AGXT2: variants seen among roughly 807,000 people sequenced by gnomAD.
AGXT2 encodes alanine--glyoxylate aminotransferase 2, also known as alanine--glyoxylate aminotransferase 2, mitochondrial.
AGXT2 carries 61 observed loss-of-function variants against 62.5 expected under a neutral mutation model. The observed-to-expected ratio is 0.98, with a 90% CI of 0.79 to 1.21. The LOEUF is 1.21. Among genes scored for constraint, AGXT2 ranks in the 50% most tolerant of loss-of-function variants. AGXT2 has a pLI of 0.00. For missense variants in AGXT2, 666 were observed against 641.5 expected (o/e 1.04, Z -0.41); for synonymous variants, 243 against 218.7 (o/e 1.11, Z -0.98).
intron 1 of AGXT2, among the ~76,000 whole-genome samples, chr5:35,044,728 A>G (rs1254557056): frequency 6.6e-6 from 1 of 152,096 alleles, no homozygotes; most frequent in African/African-American, 2.4e-5. Flanking sequence ...GGCTGTCCAC[A>G]AGCAAGAGCA....
chr5:35,007,719 A>G (rs536658374), intron 12 of AGXT2, among the ~76,000 whole-genome samples: 1 of 152,300 alleles, frequency 6.6e-6, no homozygotes, highest in African/African-American at 2.4e-5. Context: ...CCTTCTATAG[A>G]TACTATTTTA....
intron 5 of AGXT2, 27 bp from the exon 6 acceptor site, chr5:35,033,580 G>A (rs755995979): frequency 3.8e-6 from 6 of 1,582,678 alleles, no homozygotes. Context: ...ACAGGAGGAT[G>A]GGGTCAAGTT....
chr5:35,036,842 G>A (rs931676869), intron 4 of AGXT2, 100 bp downstream of exon 4: 56 of 1,570,346 alleles, frequency 3.6e-5, no homozygotes, highest in Non-Finnish European at 4.8e-5. Flanking sequence ...TCCTAGGGAC[G>A]CTCCCCTAGA....
intron 12 of AGXT2, among the ~76,000 whole-genome samples, chr5:35,008,617 T>C (rs1766515763): frequency 6.6e-6 from 1 of 152,344 alleles, no homozygotes; most frequent in South Asian, 2.1e-4. Context: ...AATTATGAGC[T>C]GGGGACCTTA....
chr5:35,040,545 T>C (rs766346735), intron 2 of AGXT2, 30 bp downstream of exon 2: 3 of 1,594,542 alleles, frequency 1.9e-6, no homozygotes, highest in Non-Finnish European at 2.6e-6. Flanking sequence ...AAACTACCTC[T>C]TTGAGTTTTC....
In AGXT2 at chr5:35,045,764, CTTTT is replaced by C. The variant is rs1255749919; in HGVS notation, c.88+2037_88+2040del. ...TGTGGTTTTTTTCTTTTTCTTTTTTCTTTTTTTTTTTTTTTTTTTTTGAGAAGGA... is the reference window on the plus strand; with the variant it reads ...TGTGGTTTTTTTCTTTTTCTTTTTTCTTTTTTTTTTTTTTTTTGAGAAGGA... On this transcript the variant is annotated intron_variant, in intron 1 of 13. Transcript: ENST00000231420. Among the ~76,000 whole-genome samples the C allele has an allele frequency of 6.4e-4, 63 of 99,128 alleles. No homozygotes were observed. In the East Asian group the frequency reaches 0.014, roughly 22 times the overall value. 65.0% of individuals were successfully genotyped at this position (99,128 alleles called of 152,430 possible). A position where few individuals can be genotyped will look rare whatever the true frequency, so the allele number is the denominator to read the frequency against.
At chr5:35,040,798 A>T (rs1767955905) in intron 1 of AGXT2, 135 bp from the exon 2 acceptor site, 5 of 754,600 alleles carry the variant, frequency 6.6e-6, no homozygotes, top group African/African-American at 1.7e-5. Flanking sequence ...ATCAGCTTTT[A>T]GTTTGGATTT....
chr5:35,044,593 G>C (rs959226046), intron 1 of AGXT2, among the ~76,000 whole-genome samples: 1 of 152,156 alleles, frequency 6.6e-6, no homozygotes, highest in South Asian at 2.1e-4. Context: ...GCTTCTTTGC[G>C]TGTGGGGTCC....
chr5:35,005,217 T>TTTG (rs934096025), intron 12 of AGXT2, among the ~76,000 whole-genome samples: 10 of 151,890 alleles, frequency 6.6e-5, no homozygotes, highest in Admixed American at 3.3e-4. Flanking sequence ...GGTCAGTTCT[T>TTTG]TTGTTGTTGT....
intron 13 of AGXT2, among the ~76,000 whole-genome samples, chr5:35,001,700 G>C (rs1255422313): frequency 6.6e-6 from 1 of 152,168 alleles, no homozygotes; most frequent in Non-Finnish European, 1.5e-5. Flanking sequence ...TGTGTGGTGT[G>C]ATGTGGTGTG....
chr5:35,046,243 G>A (rs1276156797), intron 1 of AGXT2, among the ~76,000 whole-genome samples: 1 of 152,202 alleles, frequency 6.6e-6, no homozygotes, highest in Non-Finnish European at 1.5e-5. Flanking sequence ...GGGAAGGGGA[G>A]GGGGCAGTCT....
At chr5:35,036,884 G>A (rs1363656880) in intron 4 of AGXT2, 58 bp downstream of exon 4, 16 of 1,609,796 alleles carry the variant, frequency 9.9e-6, no homozygotes, top group South Asian at 4.4e-5. Flanking sequence ...TGAGCTGGGA[G>A]CATCATACCT....
At chr5:35,027,061 T>C (rs1321033093) in intron 7 of AGXT2, 1 of 966,410 alleles carries the variant, frequency 1.0e-6, no homozygotes, top group East Asian at 1.1e-4. Flanking sequence ...TCGCAGCCCT[T>C]GGCACTTGGT....
At chr5:35,011,458 TAAAA>T (rs11358241) in intron 11 of AGXT2, among the ~76,000 whole-genome samples, 1 of 119,824 alleles carries the variant, frequency 8.3e-6, no homozygotes. Flanking sequence ...AGACTCTTTC[TAAAA>T]AAAAAAAAAA....
rs1223329496 is a variant in AGXT2, at chr5:35,006,910, GT to G, written c.1339-3050del. Among the ~76,000 whole-genome samples, 4 of 152,272 alleles carry G rather than the reference GT, an allele frequency of 2.6e-5. No individual in the cohort carries two copies. In the East Asian group the frequency reaches 7.7e-4, roughly 29 times the overall value. ...AACACAAAGCACTTACCATCTGTATGTTTCCTGGCCTCAAAAGTGTAAACTT... is the reference window on the plus strand; with the variant it reads ...AACACAAAGCACTTACCATCTGTATGTTCCTGGCCTCAAAAGTGTAAACTT... On this transcript the variant is annotated intron_variant, in intron 12 of 13. Transcript: ENST00000231420.
chr5:35,012,121 T>C (rs1472404852), intron 11 of AGXT2, among the ~76,000 whole-genome samples: 1 of 152,044 alleles, frequency 6.6e-6, no homozygotes, highest in Non-Finnish European at 1.5e-5. Context: ...AAATTACATA[T>C]TGGGTACAAT....
chr5:35,047,901 C>T lies in AGXT2; in HGVS notation c.-9G>A, dbSNP rs761547833. 158 of 1,614,006 alleles carry T rather than the reference C, an allele frequency of 9.8e-5. 10 individuals are homozygous for T. In the South Asian group the frequency reaches 1.5e-3, roughly 15 times the overall value. On this transcript the variant is annotated 5_prime_UTR_variant, in exon 1 of 14. It adds an upstream start codon to the 5' untranslated region. Coordinates refer to ENST00000231420, the MANE Select transcript of AGXT2 (RefSeq NM_031900.4). ...CTCCAGATTAGAGTCATTTCTCCCA[C>T]TCAGAAAGCCAACCCCCATGGAAGC...
Position 35,027,835 on chromosome 5 carries a change from C to G in AGXT2, c.770-1325G>C, listed in dbSNP as rs148807030. ...GGAAGTGAGCGTTCACAATGCAAAG[C>G]CTTGGAGGGCCAGTCTGCAGGTGAA... On this transcript the variant is annotated intron_variant, in intron 7 of 13. Transcript: ENST00000231420. Among the ~76,000 whole-genome samples, 1,054 of 149,522 alleles carry G rather than the reference C, an allele frequency of 7.0e-3. 9 individuals carry two copies. Among genetic ancestry groups the G allele is most frequent in the Middle Eastern group, 0.01 (3 of 294 alleles).
rs80075565 is a variant in AGXT2, at chr5:35,039,545, A to G, written c.178-37T>C. 3.7e-4 allele frequency: 592 copies of G among 1,600,550 alleles called. 3 individuals are homozygous for G. The African/African-American group carries it at 7.1e-3, about 19-fold the overall frequency. On this transcript the variant is annotated intron_variant, in intron 2 of 13. Transcript: ENST00000231420. The stretch of plus-strand genomic sequence containing the variant: ...CAAGATTTAAACCCACACACTTCTT[A>G]CAAGATCAATAGCAGTCAATCTATG...
Sources: allele counts gnomAD v4.1 joint callset (sites outside exome capture counted in the v4.1 genomes callset), GRCh38; gene constraint gnomAD v4.1.1; transcripts MANE v1.5; gene names NCBI Gene and HGNC (gene_info 2026-07-23, HGNC 2026-07-21).